REDIC1: variants seen among roughly 807,000 people sequenced by gnomAD.
REDIC1 encodes the protein regulator of DNA class I crossover intermediates 1.
the REDIC1 span, chr12:39,721,001 A>G: frequency 6.2e-7 from 1 of 1,613,818 alleles, no homozygotes; most frequent in Non-Finnish European, 8.5e-7. Context: ...CCACAGTTGC[A>G]GTGCAATTCA....
chr12:39,839,362 A>T, the REDIC1 span, among the ~76,000 whole-genome samples: 1 of 151,900 alleles, frequency 6.6e-6, no homozygotes, highest in African/African-American at 2.4e-5. Context: ...AACTCATGAG[A>T]ATAAAAAAAA....
At chr12:39,737,446 T>C in the REDIC1 span, among the ~76,000 whole-genome samples, 2 of 152,176 alleles carry the variant, frequency 1.3e-5, no homozygotes, top group Non-Finnish European at 2.9e-5. Flanking sequence ...TTTTATAAGG[T>C]CGAGAGCCAC....
the REDIC1 span, among the ~76,000 whole-genome samples, chr12:39,890,475 A>G: frequency 6.6e-6 from 1 of 152,278 alleles, no homozygotes; most frequent in Non-Finnish European, 1.5e-5. Context: ...TGAGACAGGG[A>G]GATTATTCTG....
the REDIC1 span, among the ~76,000 whole-genome samples, chr12:39,863,206 AGAT>A: frequency 2.0e-5 from 3 of 152,188 alleles, no homozygotes; most frequent in Non-Finnish European, 2.9e-5. Context: ...AATATGAGTT[AGAT>A]GATAATACCT....
At chr12:39,784,999 C>T in the REDIC1 span, among the ~76,000 whole-genome samples, 2 of 152,132 alleles carry the variant, frequency 1.3e-5, no homozygotes, top group African/African-American at 2.4e-5. Context: ...GGAAACAGAA[C>T]ATAAAAGTTA....
the REDIC1 span, among the ~76,000 whole-genome samples, chr12:39,735,125 C>G: frequency 1.3e-5 from 2 of 152,056 alleles, no homozygotes; most frequent in East Asian, 1.9e-4. Flanking sequence ...ATTTTGGTAC[C>G]TGGGAGTGAT....
the REDIC1 span, among the ~76,000 whole-genome samples, chr12:39,638,860 T>A: frequency 3.0e-4 from 45 of 151,966 alleles, no homozygotes; most frequent in African/African-American, 1.0e-3. Flanking sequence ...TATGTAGAAT[T>A]TGGTGATAGC....
the REDIC1 span, chr12:39,683,003 C>T: frequency 2.9e-5 from 47 of 1,612,956 alleles, no homozygotes; most frequent in African/African-American, 4.0e-5. Context: ...TTTAGTAATT[C>T]GACTTTGAAT....
chr12:39,713,881 G>T, the REDIC1 span, among the ~76,000 whole-genome samples: 1 of 146,688 alleles, frequency 6.8e-6, no homozygotes, highest in African/African-American at 2.5e-5. Flanking sequence ...GTATATTTAC[G>T]TATATACACT....
At chr12:39,859,596 C>T in the REDIC1 span, among the ~76,000 whole-genome samples, 1 of 152,160 alleles carries the variant, frequency 6.6e-6, no homozygotes, top group Non-Finnish European at 1.5e-5. Context: ...CATCTCAGCT[C>T]ACTGCAACCT....
the REDIC1 span, among the ~76,000 whole-genome samples, chr12:39,851,216 A>G: frequency 6.6e-6 from 1 of 152,206 alleles, no homozygotes; most frequent in Non-Finnish European, 1.5e-5. Context: ...AAATGTTTAT[A>G]GAAACACTAA....
chr12:39,764,626 C>T, the REDIC1 span: 13 of 1,580,398 alleles, frequency 8.2e-6, no homozygotes, highest in African/African-American at 2.8e-5. Flanking sequence ...AGAAATAAAA[C>T]ATTAAAAACT....
chr12:39,854,753 C>T, the REDIC1 span, among the ~76,000 whole-genome samples: 1 of 152,196 alleles, frequency 6.6e-6, no homozygotes, highest in African/African-American at 2.4e-5. Flanking sequence ...TCCTCTCCTT[C>T]TGCATCATCC....
At chr12:39,673,126 C>G in the REDIC1 span, among the ~76,000 whole-genome samples, 3 of 152,058 alleles carry the variant, frequency 2.0e-5, no homozygotes, top group Non-Finnish European at 2.9e-5. Context: ...GAGGCTAGGC[C>G]ATCTGCCTAG....
chr12:39,802,596 T>C, the REDIC1 span, among the ~76,000 whole-genome samples: 1 of 152,206 alleles, frequency 6.6e-6, no homozygotes, highest in Non-Finnish European at 1.5e-5. Context: ...CTTGTATGTT[T>C]CTGTGTGAAC....
At chr12:39,654,593 A>T in the REDIC1 span, among the ~76,000 whole-genome samples, 1 of 152,090 alleles carries the variant, frequency 6.6e-6, no homozygotes, top group Non-Finnish European at 1.5e-5. Flanking sequence ...GTCTTAAAAA[A>T]AAAAAAAACT....
At chr12:39,858,778 T>G in the REDIC1 span, among the ~76,000 whole-genome samples, 12 of 152,100 alleles carry the variant, frequency 7.9e-5, no homozygotes, top group South Asian at 2.1e-4. Context: ...GGCTAATTTT[T>G]TGTATTTTTG....
the REDIC1 span, chr12:39,643,752 A>G: frequency 6.3e-6 from 9 of 1,426,766 alleles, no homozygotes; most frequent in South Asian, 5.0e-5. Context: ...TATTTGCTGC[A>G]TTGTTTTTAA....
the REDIC1 span, among the ~76,000 whole-genome samples, chr12:39,702,451 C>G: frequency 6.6e-6 from 1 of 152,002 alleles, no homozygotes; most frequent in Non-Finnish European, 1.5e-5. Flanking sequence ...AATAGCTTAC[C>G]AACCAAAAAG....
Sources: gnomAD v4.1 joint callset for allele counts (sites outside exome capture counted in the v4.1 genomes callset) on GRCh38, gnomAD v4.1.1 for gene constraint, MANE v1.5 for transcripts, NCBI Gene and HGNC (gene_info 2026-07-23, HGNC 2026-07-21) for gene names.